The following FGD3 variants were observed in gnomAD, a reference collection of about 807,000 sequenced individuals.
The protein encoded by FGD3 is FYVE, RhoGEF and PH domain-containing protein 3.
FGD3 carries 45 observed loss-of-function variants against 71.8 expected under a neutral mutation model. That is an observed-to-expected ratio of 0.63 (90% CI 0.49 to 0.80). The LOEUF is 0.80. Among genes scored for constraint, FGD3 ranks in the 30% least tolerant of loss-of-function variants. The pLI, the probability that FGD3 is intolerant of heterozygous loss-of-function variation, is 0.00. For synonymous variants in FGD3, 378 were observed against 392.8 expected, an observed-to-expected ratio of 0.96 and a Z score of 0.44; for missense variants, 844 against 951.5, an observed-to-expected ratio of 0.89 and a Z score of 1.49.
At chr9:92,976,839 AG>A (rs1859781142) in intron 3 of FGD3, 130 bp downstream of exon 3, 2 of 1,088,346 alleles carry the variant, frequency 1.8e-6, no homozygotes, top group African/African-American at 1.6e-5. Context: ...GCTGTGTGCA[AG>A]GGGAGGTCCT....
At chr9:93,026,805 C>T (rs1161523798) in intron 14 of FGD3, among the ~76,000 whole-genome samples, 1 of 152,242 alleles carries the variant, frequency 6.6e-6, no homozygotes, top group Non-Finnish European at 1.5e-5. Context: ...CCCATGGGCA[C>T]GCCCTGTGTT....
At chr9:92,948,688 T>C (rs917737545) in intron 1 of FGD3, among the ~76,000 whole-genome samples, 3 of 152,178 alleles carry the variant, frequency 2.0e-5, no homozygotes, top group African/African-American at 4.8e-5. Flanking sequence ...CCCAGTGAGG[T>C]TGACCCTCTT....
intron 5 of FGD3, among the ~76,000 whole-genome samples, chr9:93,004,742 G>A (rs997108936): frequency 5.3e-5 from 8 of 152,110 alleles, no homozygotes; most frequent in African/African-American, 1.2e-4. Context: ...TGTGCCCTTC[G>A]CAGGCCCGGC....
chr9:92,974,190 G>A (rs1201492747), intron 1 of FGD3, among the ~76,000 whole-genome samples: 1 of 152,080 alleles, frequency 6.6e-6, no homozygotes, highest in South Asian at 2.1e-4. Context: ...GTTGAACCAG[G>A]CTCTGTCTTG....
intron 1 of FGD3, among the ~76,000 whole-genome samples, chr9:92,957,448 G>T (rs77959938): frequency 0.016 from 2,460 of 152,196 alleles, 57 homozygotes; most frequent in African/African-American, 0.054. Context: ...TAGTTTCCCT[G>T]ATGGCAGGCA....
At chr9:92,954,546 G>T (rs530174453) in intron 1 of FGD3, among the ~76,000 whole-genome samples, 21 of 152,148 alleles carry the variant, frequency 1.4e-4, no homozygotes, top group Admixed American at 2.0e-4. Flanking sequence ...GGCAGGGGCC[G>T]GGGTCACCTT....
chr9:93,006,716 T>C (rs1861068896), intron 6 of FGD3, among the ~76,000 whole-genome samples: 2 of 152,012 alleles, frequency 1.3e-5, no homozygotes, highest in African/African-American at 4.8e-5. Context: ...CCCATTGATC[T>C]TTTATTTTTT....
At chr9:92,977,681 G>A (rs1859816863) in intron 3 of FGD3, among the ~76,000 whole-genome samples, 1 of 152,082 alleles carries the variant, frequency 6.6e-6, no homozygotes, top group Non-Finnish European at 1.5e-5. Context: ...AAGAGAAAGG[G>A]GCATGTCACA....
intron 3 of FGD3, among the ~76,000 whole-genome samples, chr9:92,978,773 C>T (rs1393957387): frequency 9.9e-5 from 1 of 10,152 alleles, no homozygotes. Context: ...TCTGCCCCTC[C>T]CCTCCCCTCC....
At chr9:93,010,533 G>GACAGAA in intron 7 of FGD3, 149 bp downstream of exon 7, 1 of 840,420 alleles carries the variant, frequency 1.2e-6, no homozygotes, top group Non-Finnish European at 1.7e-6. Flanking sequence ...CAGAGACAGA[G>GACAGAA]GCAGGGGAGG....
intron 5 of FGD3, 132 bp from the exon 6 acceptor site, chr9:93,005,892 G>C (rs1048849416): frequency 1.1e-6 from 1 of 907,226 alleles, no homozygotes; most frequent in Non-Finnish European, 1.6e-6. Context: ...GGCTCAGAGA[G>C]GGTGACCAAT....
chr9:93,019,858 T>A lies in FGD3; in HGVS notation c.1383T>A (p.Ile461=), dbSNP rs199646942. The part of the protein sequence containing the change: ...TRTEEEKKEW[I]QIIQATIEKH... ...CAGAGGAAGAGAAGAAAGAATGGATTCAGGTGAAGCTTCTAAAGTTGTAAA... is the reference window on the plus strand; with the variant it reads ...CAGAGGAAGAGAAGAAAGAATGGATACAGGTGAAGCTTCTAAAGTTGTAAA... Residue 461 remains isoleucine, a synonymous_variant, in exon 12 of 18, where the codon ATT becomes ATA. Coordinates refer to ENST00000375482, the MANE Select transcript of FGD3 (RefSeq NM_001083536.2). 4.3e-6 allele frequency: 7 copies of A among 1,613,932 alleles called. No individual in the cohort carries two copies. Among genetic ancestry groups the A allele is most frequent in the Non-Finnish European group, 5.9e-6 (7 of 1,179,932 alleles).
chr9:93,030,101 C>A, intron 15 of FGD3, 105 bp downstream of exon 15: 1 of 1,386,340 alleles, frequency 7.2e-7, no homozygotes, highest in Non-Finnish European at 9.7e-7. Context: ...CACACCAGCC[C>A]TGCACGGAAG....
At chr9:92,976,069 A>G in intron 2 of FGD3, 139 bp from the exon 3 acceptor site, 1 of 564,856 alleles carries the variant, frequency 1.8e-6, no homozygotes, top group East Asian at 2.8e-5. Context: ...CACACTTCAC[A>G]CACAACCCCC....
chr9:92,995,873 T>C (rs1431895566), intron 3 of FGD3, among the ~76,000 whole-genome samples: 3 of 152,218 alleles, frequency 2.0e-5, no homozygotes, highest in African/African-American at 7.2e-5. Flanking sequence ...TGGATTCAGT[T>C]TGCCAGTATT....
chr9:93,007,484 C>A (rs1349581719), intron 6 of FGD3, among the ~76,000 whole-genome samples: 1 of 152,174 alleles, frequency 6.6e-6, no homozygotes, highest in Admixed American at 6.6e-5. Flanking sequence ...ACTATATAAC[C>A]CCATCTCTAC....
chr9:93,033,305 CTCCTCCTCCTCCCCGTCCCCTT>C (rs1862434092), intron 16 of FGD3: 1 of 206,756 alleles, frequency 4.8e-6, no homozygotes, highest in African/African-American at 4.7e-5. Flanking sequence ...CCGTCCCCTT[CTCCTCCTCCTCCCCGTCCCCTT>C]CTCCTCCTCC....
intron 3 of FGD3, among the ~76,000 whole-genome samples, chr9:92,997,803 C>G (rs1411684523): frequency 1.3e-5 from 2 of 152,208 alleles, no homozygotes; most frequent in Non-Finnish European, 2.9e-5. Context: ...GGCCCCCACT[C>G]TCTTCTGGCT....
intron 1 of FGD3, among the ~76,000 whole-genome samples, chr9:92,967,575 GGTTT>G (rs1859377025): frequency 6.6e-6 from 1 of 151,892 alleles, no homozygotes; most frequent in African/African-American, 2.4e-5. Flanking sequence ...ATTTCCTTCC[GGTTT>G]ATTTATTTAC....
Sources: allele counts gnomAD v4.1 joint callset (sites outside exome capture counted in the v4.1 genomes callset), GRCh38; gene constraint gnomAD v4.1.1; transcripts MANE v1.5; gene names NCBI Gene and HGNC (gene_info 2026-07-23, HGNC 2026-07-21).